The following PIAS2 variants were observed in gnomAD, a reference collection of about 807,000 sequenced individuals.
PIAS2 encodes the protein protein inhibitor of activated STAT 2.
PIAS2 carries 19 observed loss-of-function variants against 69.7 expected under a neutral mutation model. That is an observed-to-expected ratio of 0.27 (90% CI 0.19 to 0.40). The LOEUF is 0.40. Among genes scored for constraint, PIAS2 ranks in the 10% least tolerant of loss-of-function variants. The probability of loss-of-function intolerance (pLI) is 1.00; values close to 1 mark genes in which losing one functional copy is unlikely to be tolerated. For synonymous variants in PIAS2, 261 were observed against 263.2 expected (o/e 0.99, Z 0.08); for missense variants, 624 against 757.0 (o/e 0.82, Z 2.06).
At chr18:46,837,715 A>G (rs1462992845) in intron 8 of PIAS2, among the ~76,000 whole-genome samples, 3 of 152,210 alleles carry the variant, frequency 2.0e-5, no homozygotes, top group Non-Finnish European at 4.4e-5. Flanking sequence ...CAAGACGTAC[A>G]CAACACTCAG....
chr18:46,842,834 C>T (rs1001820230), intron 8 of PIAS2, among the ~76,000 whole-genome samples: 6 of 152,152 alleles, frequency 3.9e-5, no homozygotes, highest in African/African-American at 1.4e-4. Flanking sequence ...AACTGCACAC[C>T]TCTTCCCTGC....
rs1357478649 is a variant in PIAS2 at position 46,815,648 on chromosome 18, G to T, written c.1649-299C>A. On this transcript the variant is annotated intron_variant, in intron 12 of 13. Coordinates refer to ENST00000585916, the MANE Select transcript of PIAS2 (RefSeq NM_004671.5). ...TTCCCCCTTTGCCGCTTAACAGAAT[G>T]AGAAGCAATAAAAATGATGAGCTAA... 3 of 1,045,546 alleles carry T rather than the reference G, an allele frequency of 2.9e-6. No homozygotes were observed. In the African/African-American group the frequency reaches 5.1e-5, roughly 18 times the overall value. 64.8% of individuals were successfully genotyped at this position (1,045,546 alleles called of 1,614,324 possible). A position where few individuals can be genotyped will look rare whatever the true frequency, so the allele number is the denominator to read the frequency against.
chr18:46,862,975 G>A (rs1305310554), intron 3 of PIAS2, among the ~76,000 whole-genome samples: 1 of 151,970 alleles, frequency 6.6e-6, no homozygotes, highest in Non-Finnish European at 1.5e-5. Flanking sequence ...CAAAGTGCTG[G>A]GATTACAAGC....
intron 10 of PIAS2, among the ~76,000 whole-genome samples, chr18:46,829,321 C>T (rs1380191156): frequency 6.6e-6 from 1 of 152,168 alleles, no homozygotes; most frequent in African/African-American, 2.4e-5. Flanking sequence ...GAGCAACTAA[C>T]CTGTGACCAT....
At chr18:46,888,703 A>T (rs1341415744) in intron 2 of PIAS2, among the ~76,000 whole-genome samples, 1 of 152,152 alleles carries the variant, frequency 6.6e-6, no homozygotes, top group Non-Finnish European at 1.5e-5. Context: ...TGCAATCTAG[A>T]TCCCTTACAT....
intron 1 of PIAS2, among the ~76,000 whole-genome samples, chr18:46,896,820 T>A (rs2054963656): frequency 6.6e-6 from 1 of 152,234 alleles, no homozygotes; most frequent in South Asian, 2.1e-4. Context: ...ATGCACCCAA[T>A]ACAGTGTAAT....
At chr18:46,821,102 C>A in intron 11 of PIAS2, 30 bp from the exon 12 acceptor site, 1 of 1,610,956 alleles carries the variant, frequency 6.2e-7, no homozygotes, top group Non-Finnish European at 8.5e-7. Flanking sequence ...AAATTACAAA[C>A]AATCTGGCTG....
chr18:46,917,883 C>T (rs1411736300), upstream of PIAS2: 2 of 152,362 alleles, frequency 1.3e-5, no homozygotes, highest in South Asian at 4.1e-4. Flanking sequence ...ATAAAACCAT[C>T]CCCCAGAGTA....
chr18:46,844,515 A>T (rs1005504277), intron 7 of PIAS2, among the ~76,000 whole-genome samples: 6 of 152,098 alleles, frequency 3.9e-5, no homozygotes, highest in African/African-American at 1.2e-4. Flanking sequence ...TAAACAGAAA[A>T]GATAAAAATA....
intron 11 of PIAS2, among the ~76,000 whole-genome samples, chr18:46,823,309 G>GA: frequency 6.6e-6 from 1 of 151,796 alleles, no homozygotes. Context: ...TCTGGTACAA[G>GA]AAAAAGCTAA....
At chr18:46,823,013 G>A (rs1046906025) in intron 11 of PIAS2, among the ~76,000 whole-genome samples, 3 of 151,378 alleles carry the variant, frequency 2.0e-5, no homozygotes, top group African/African-American at 7.3e-5. Flanking sequence ...CAAGGCAGGA[G>A]GATTGCTTGA....
chr18:46,917,370 G>GCCGCTGCCGCCGCACCCACTC lies in PIAS2; in HGVS notation c.-46_-26dup, dbSNP rs1309926300. ...TTTTATACCACCCGCGGGCGCCGCC[G>GCCGCTGCCGCCGCACCCACTC]CCGCTGCCGCCGCACCCACTCCCGC... On this transcript the variant is annotated 5_prime_UTR_variant, in exon 1 of 14. Coordinates refer to ENST00000585916, the MANE Select transcript of PIAS2 (RefSeq NM_004671.5). The GCCGCTGCCGCCGCACCCACTC allele has an allele frequency of 5.5e-6, 8 of 1,452,780 alleles. No homozygotes were observed. Among genetic ancestry groups the GCCGCTGCCGCCGCACCCACTC allele is most frequent in the African/African-American group, 3.0e-5 (2 of 66,888 alleles). The allele number at this position is 1,452,780 out of a possible 1,614,324, so 90.0% of individuals were successfully genotyped here. A position where few individuals can be genotyped will look rare whatever the true frequency, so the allele number is the denominator to read the frequency against.
intron 5 of PIAS2, among the ~76,000 whole-genome samples, chr18:46,847,544 C>T (rs568680858): frequency 4.6e-4 from 69 of 150,176 alleles, no homozygotes; most frequent in African/African-American, 1.7e-3. Flanking sequence ...TACAGTGGCG[C>T]GAACTTGGCT....
chr18:46,814,283 A>G (rs1362687509), intron 13 of PIAS2, among the ~76,000 whole-genome samples: 2 of 152,190 alleles, frequency 1.3e-5, no homozygotes, highest in African/African-American at 2.4e-5. Context: ...GACTCACCAA[A>G]TAACTTAGAC....
At position 46,917,230 on chromosome 18, in the gene PIAS2, G is replaced by A. The variant is rs1414822470; in HGVS notation, c.24+92C>T. ...CAGGGCTCCGCCAACCGGCCCCAGA[G>A]GCACGAGCAGGCGGCGGCCGGCGAC... On this transcript the variant is annotated intron_variant, in intron 1 of 13. Transcript: ENST00000585916. The A allele has an allele frequency of 5.7e-6, 8 of 1,398,996 alleles. No individual in the cohort carries two copies. In the African/African-American group the frequency reaches 1.1e-4, roughly 19 times the overall value. 86.7% of individuals were successfully genotyped at this position (1,398,996 alleles called of 1,614,324 possible).
rs575380248 is a variant in PIAS2, at chr18:46,898,680, A to C, written c.25-7626T>G. The stretch of plus-strand genomic sequence containing the variant: ...AATTTTAAAATTTTGCAAGAGGTAC[A>C]TTAAAAAACTATAGAATAAAAGAAG... On this transcript the variant is annotated intron_variant, in intron 1 of 13. Coordinates refer to ENST00000585916, the MANE Select transcript of PIAS2 (RefSeq NM_004671.5). Among the ~76,000 whole-genome samples, 6 of 152,334 alleles carry C rather than the reference A, an allele frequency of 3.9e-5. No homozygotes were observed. In the East Asian group the frequency reaches 7.7e-4, roughly 20 times the overall value.
intron 2 of PIAS2, among the ~76,000 whole-genome samples, chr18:46,867,135 C>G (rs147457050): frequency 2.6e-5 from 4 of 151,832 alleles, no homozygotes; most frequent in Non-Finnish European, 4.4e-5. Context: ...TGTTAGTAGT[C>G]TGTGTCATAA....
chr18:46,902,004 T>A (rs1419656073), intron 1 of PIAS2, among the ~76,000 whole-genome samples: 1 of 152,078 alleles, frequency 6.6e-6, no homozygotes, highest in Non-Finnish European at 1.5e-5. Context: ...GGAATGATTG[T>A]TCACATAGAA....
In PIAS2 at chr18:46,828,069, T is replaced by C. The variant is rs1006325816; in HGVS notation, c.1398A>G (p.Lys466=). The C allele has an allele frequency of 3.1e-6, 5 of 1,613,804 alleles. No individual in the cohort carries two copies. The Admixed American group carries it at 5.0e-5, about 16-fold the overall frequency. ...CTATTGTAAGATCAATAACATCTAC[T>C]TTCTTCTTGCTTGCCTCACTGGCTA... ...VTVASEASKK[K]VDVIDLTIES... The change falls in exon 11 of 14, where the codon AAA becomes AAG. Residue 466 remains lysine, a synonymous_variant. Coordinates refer to ENST00000585916, the MANE Select transcript of PIAS2 (RefSeq NM_004671.5).
Sources: gnomAD v4.1 joint callset for allele counts (sites outside exome capture counted in the v4.1 genomes callset) on GRCh38, gnomAD v4.1.1 for gene constraint, MANE v1.5 for transcripts, NCBI Gene and HGNC (gene_info 2026-07-23, HGNC 2026-07-21) for gene names.